SLC44A5: variants seen among roughly 807,000 people sequenced by gnomAD.
The protein encoded by SLC44A5 is choline transporter-like protein 5.
A neutral mutation model predicts 101.8 loss-of-function variants in SLC44A5; 57 were observed. The ratio of observed to expected loss-of-function variants is 0.56; its 90% CI spans 0.45 to 0.70. The LOEUF is 0.70. SLC44A5 is among the 30% of genes least tolerant of loss of function. The pLI, the probability that SLC44A5 is intolerant of heterozygous loss-of-function variation, is 0.00. For synonymous variants in SLC44A5, 281 were observed against 290.9 expected (o/e 0.97, Z 0.35); for missense variants, 737 against 853.1 (o/e 0.86, Z 1.70).
chr1:75,630,672 C>A, the SLC44A5 span, among the ~76,000 whole-genome samples: 4,811 of 152,136 alleles, frequency 0.032, 256 homozygotes, highest in African/African-American at 0.11. Flanking sequence ...GACAACTTGG[C>A]TTCTACAGAA....
intron 5 of SLC44A5, among the ~76,000 whole-genome samples, chr1:75,292,294 T>C (rs1482886700): frequency 6.6e-6 from 1 of 152,182 alleles, no homozygotes; most frequent in Non-Finnish European, 1.5e-5. Context: ...TCTTGCTTTA[T>C]ATGAAGCAGC....
intron 2 of SLC44A5, among the ~76,000 whole-genome samples, chr1:75,398,065 C>T (rs935086731): frequency 5.9e-5 from 9 of 152,042 alleles, no homozygotes; most frequent in African/African-American, 2.2e-4. Context: ...GGATTGGCAC[C>T]TGAGAGGTAG....
intron 1 of SLC44A5, among the ~76,000 whole-genome samples, chr1:75,578,089 T>G (rs1377823223): frequency 6.6e-6 from 1 of 152,120 alleles, no homozygotes; most frequent in Admixed American, 6.5e-5. Flanking sequence ...AAAAACTAGT[T>G]TTTAATAGCT....
intron 1 of SLC44A5, among the ~76,000 whole-genome samples, chr1:75,561,228 G>A (rs1672501135): frequency 6.6e-6 from 1 of 152,030 alleles, no homozygotes; most frequent in Non-Finnish European, 1.5e-5. Flanking sequence ...AATTATACAT[G>A]GAGTCTCCCA....
chr1:75,206,615 T>C, intron 23 of SLC44A5: 6 of 1,602,292 alleles, frequency 3.7e-6, no homozygotes, highest in Non-Finnish European at 4.3e-6. Flanking sequence ...TTCTACTCTT[T>C]CTGCTTCTGG....
intron 4 of SLC44A5, among the ~76,000 whole-genome samples, chr1:75,306,203 C>A (rs1654885793): frequency 1.3e-5 from 2 of 152,108 alleles, no homozygotes; most frequent in Non-Finnish European, 2.9e-5. Flanking sequence ...GCATTAGATA[C>A]CATCTGGCCT....
In SLC44A5 at chr1:75,222,445, A is replaced by G. The variant is rs1181419149; in HGVS notation, c.1001T>C (p.Ile334Thr). Residue 334 changes from isoleucine to threonine, a missense_variant, in exon 14 of 24, where the codon ATC (isoleucine) becomes ACC (threonine). Physicochemically the swap from Ile to Thr is moderately conservative, Grantham distance 89 (BLOSUM62 -1). Transcript: ENST00000370859. The stretch of plus-strand genomic sequence containing the variant: ...CATGAGGATGACAATCACTTCAATG[A>G]TGCAGAGTATTATCACTTTGAACAG... ...TWFTFMIILC[I>T]IEVIVILMLI... is the part of the protein sequence containing the mutation. The G allele has an allele frequency of 6.2e-7, 1 of 1,610,454 alleles. No homozygotes were observed. The highest frequency in any genetic ancestry group is 8.5e-7 in the Non-Finnish European group (1 of 1,177,422).
chr1:75,632,824 T>A, the SLC44A5 span, among the ~76,000 whole-genome samples: 18 of 152,168 alleles, frequency 1.2e-4, no homozygotes, highest in Non-Finnish European at 2.5e-4. Flanking sequence ...GTTTCTGATC[T>A]AAAAAATAAA....
At chr1:75,678,478 G>A in the SLC44A5 span, among the ~76,000 whole-genome samples, 1 of 151,722 alleles carries the variant, frequency 6.6e-6, no homozygotes, top group Non-Finnish European at 1.5e-5. Context: ...AGCCTAACTG[G>A]GAGGCACCCT....
intron 3 of SLC44A5, among the ~76,000 whole-genome samples, chr1:75,348,162 TTCTCTC>T (rs147599378): frequency 2.0e-5 from 3 of 149,526 alleles, no homozygotes; most frequent in Non-Finnish European, 4.5e-5. Context: ...CTCTCTCTCT[TTCTCTC>T]TCTCTCTCTC....
intron 2 of SLC44A5, among the ~76,000 whole-genome samples, chr1:75,410,397 A>AT (rs1198389518): frequency 1.3e-5 from 2 of 152,058 alleles, no homozygotes; most frequent in African/African-American, 2.4e-5. Flanking sequence ...TTCATTTGTG[A>AT]TAAAAAAAAA....
chr1:75,221,957 C>CTTTTT (rs199560766), intron 14 of SLC44A5, among the ~76,000 whole-genome samples: 1 of 126,864 alleles, frequency 7.9e-6, no homozygotes, highest in Non-Finnish European at 1.6e-5. Flanking sequence ...AAGTCTTCTT[C>CTTTTT]TTCTTTTTTT....
intron 3 of SLC44A5, among the ~76,000 whole-genome samples, chr1:75,367,465 G>A (rs569129564): frequency 3.1e-4 from 47 of 152,292 alleles, no homozygotes; most frequent in African/African-American, 8.9e-4. Flanking sequence ...TAACAGGTTT[G>A]TGGACAGGTG....
At chr1:75,585,552 T>C (rs1264845135) in intron 1 of SLC44A5, among the ~76,000 whole-genome samples, 8 of 152,144 alleles carry the variant, frequency 5.3e-5, no homozygotes, top group Admixed American at 5.2e-4. Context: ...ACAATTGCAT[T>C]TAAACTTCAT....
At chr1:75,494,019 A>C (rs1668548073) in intron 2 of SLC44A5, among the ~76,000 whole-genome samples, 1 of 152,180 alleles carries the variant, frequency 6.6e-6, no homozygotes, top group Non-Finnish European at 1.5e-5. Flanking sequence ...TCTCACTGCT[A>C]TGGTTTGAAT....
intron 3 of SLC44A5, among the ~76,000 whole-genome samples, chr1:75,349,869 T>A (rs1658513748): frequency 6.6e-6 from 1 of 152,104 alleles, no homozygotes; most frequent in Non-Finnish European, 1.5e-5. Flanking sequence ...GGCTGCAATT[T>A]TAAAAGAGTA....
intron 23 of SLC44A5, chr1:75,205,803 A>C (rs1277193441): frequency 6.6e-6 from 1 of 152,190 alleles, no homozygotes; most frequent in Non-Finnish European, 1.5e-5. Context: ...AAACAAATTC[A>C]TATTGATTTT....
intron 3 of SLC44A5, among the ~76,000 whole-genome samples, chr1:75,383,546 TG>T (rs1661062257): frequency 6.6e-6 from 1 of 151,982 alleles, no homozygotes; most frequent in African/African-American, 2.4e-5. Context: ...CCAAGAAATA[TG>T]GGACTATGTG....
chr1:75,420,367 C>G (rs1359457406), intron 2 of SLC44A5, among the ~76,000 whole-genome samples: 2 of 151,608 alleles, frequency 1.3e-5, no homozygotes, highest in South Asian at 4.2e-4. Flanking sequence ...AAAAAATGCT[C>G]ATTCAAAAAG....
Sources: allele counts gnomAD v4.1 joint callset (sites outside exome capture counted in the v4.1 genomes callset), GRCh38; gene constraint gnomAD v4.1.1; transcripts MANE v1.5; gene names NCBI Gene and HGNC (gene_info 2026-07-23, HGNC 2026-07-21).